Variants in ITPR2 observed in about 807,000 individuals in gnomAD.
ITPR2 encodes inositol 1,4,5-trisphosphate receptor type 2, also known as inositol 1,4,5-trisphosphate-gated calcium channel ITPR2.
In ITPR2, 207 loss-of-function variants were observed where a neutral mutation model predicts 317.1. The observed-to-expected ratio is 0.65, with a 90% CI of 0.58 to 0.73. The LOEUF (loss-of-function observed/expected upper bound fraction) is 0.73, where lower values mean the gene tolerates loss of function less well. ITPR2 is among the 30% of genes least tolerant of loss of function. ITPR2 has a pLI of 0.00. For missense variants in ITPR2, 2,613 were observed against 3,284.0 expected (o/e 0.80, Z 4.99); for synonymous variants, 1,156 against 1,149.1 (o/e 1.01, Z -0.12).
At chr12:26,693,277 TGAA>T (rs971685171) in intron 10 of ITPR2, among the ~76,000 whole-genome samples, 42 of 152,300 alleles carry the variant, frequency 2.8e-4, no homozygotes, top group African/African-American at 8.9e-4. Flanking sequence ...TAGAGGTCAA[TGAA>T]GAAGTTGTTT....
intron 1 of ITPR2, among the ~76,000 whole-genome samples, chr12:26,813,485 G>T (rs1950791768): frequency 1.3e-5 from 2 of 152,140 alleles, no homozygotes; most frequent in Non-Finnish European, 2.9e-5. Context: ...AAAGTTCTGT[G>T]ATTCTGAATA....
At chr12:26,598,493 G>A (rs7964736) in intron 30 of ITPR2, among the ~76,000 whole-genome samples, 2 of 152,250 alleles carry the variant, frequency 1.3e-5, no homozygotes, top group South Asian at 4.1e-4. Flanking sequence ...TAATCAACGG[G>A]CTCTTTAAGC....
In ITPR2 at chr12:26,428,075, T is replaced by A. The variant is rs34643692; in HGVS notation, c.6783A>T (p.Pro2261=). The change falls in exon 49 of 57, where the codon CCA becomes CCT. Residue 2261 remains proline, a synonymous_variant. Transcript: ENST00000381340. The part of the protein sequence containing the change: ...GDDGDEGTLS[P]LFSVLLWIAV... ...CTATCCAAAGAAGAACCGAGAACAATGGAGAAAGTGTACCTGTAAAATGTG... is the reference window on the plus strand; with the variant it reads ...CTATCCAAAGAAGAACCGAGAACAAAGGAGAAAGTGTACCTGTAAAATGTG... 785 of 1,598,076 alleles carry A rather than the reference T, an allele frequency of 4.9e-4. 2 individuals are homozygous for A. The African/African-American group carries it at 9.5e-3, about 19-fold the overall frequency.
intron 1 of ITPR2, among the ~76,000 whole-genome samples, chr12:26,794,472 T>C (rs2137223493): frequency 6.6e-6 from 1 of 152,222 alleles, no homozygotes; most frequent in East Asian, 1.9e-4. Flanking sequence ...AATCCATCCA[T>C]CCAACCTGGC....
At chr12:26,779,949 G>A (rs376542862) in intron 2 of ITPR2, among the ~76,000 whole-genome samples, 59 of 152,302 alleles carry the variant, frequency 3.9e-4, no homozygotes, top group African/African-American at 1.3e-3. Flanking sequence ...CTGTGAAGAC[G>A]TTTGTATCCC....
At chr12:26,754,418 C>T (rs550038654) in intron 2 of ITPR2, among the ~76,000 whole-genome samples, 10 of 152,290 alleles carry the variant, frequency 6.6e-5, no homozygotes, top group South Asian at 6.2e-4. Flanking sequence ...CTAGGCTCCA[C>T]GCATGGTACA....
At chr12:26,384,675 C>T (rs1939615312) in intron 55 of ITPR2, among the ~76,000 whole-genome samples, 2 of 152,146 alleles carry the variant, frequency 1.3e-5, no homozygotes, top group Admixed American at 1.3e-4. Context: ...AAAAGTCACC[C>T]GGTGATTTCT....
At chr12:26,441,376 G>T (rs1033787497) in intron 46 of ITPR2, among the ~76,000 whole-genome samples, 5 of 152,162 alleles carry the variant, frequency 3.3e-5, no homozygotes, top group Non-Finnish European at 5.9e-5. Context: ...TTGTGGTTAT[G>T]TTCAAGGCAC....
intron 48 of ITPR2, among the ~76,000 whole-genome samples, chr12:26,431,762 C>T (rs1443210796): frequency 1.3e-5 from 2 of 152,152 alleles, no homozygotes; most frequent in Non-Finnish European, 2.9e-5. Flanking sequence ...AAGTGTGAAC[C>T]AAATATTTGA....
Position 26,663,784 on chromosome 12 carries a change from A to G in ITPR2, c.1614T>C (p.Leu538=). 4 of 1,614,016 alleles carry G rather than the reference A, an allele frequency of 2.5e-6. No individual in the cohort carries two copies. The East Asian group carries it at 6.7e-5, about 27-fold the overall frequency. Residue 538 remains leucine (L), a synonymous_variant, in exon 15 of 57, where the codon CTT becomes CTC. Coordinates refer to ENST00000381340, the MANE Select transcript of ITPR2 (RefSeq NM_002223.4). The part of the protein sequence containing the change: ...EKAGEGSMLR[L]EDLGDQRYAP... Reference sequence around the variant, plus strand: ...CATATCTTTGATCCCCCAGATCTTCAAGTCTCAGCATCGAGCCTTCTCCTG... The same window carrying G: ...CATATCTTTGATCCCCCAGATCTTCGAGTCTCAGCATCGAGCCTTCTCCTG...
chr12:26,630,570 A>G (rs1315055320), intron 22 of ITPR2: 1 of 152,248 alleles, frequency 6.6e-6, no homozygotes, highest in Non-Finnish European at 1.5e-5. Flanking sequence ...CAAGAAAGAC[A>G]CATTCAGAAA....
intron 2 of ITPR2, among the ~76,000 whole-genome samples, chr12:26,743,775 C>T (rs1949274015): frequency 6.6e-6 from 1 of 152,164 alleles, no homozygotes; most frequent in African/African-American, 2.4e-5. Context: ...CCTGTAGTCC[C>T]AGCTACTCGG....
At chr12:26,399,242 T>C (rs1036979136) in intron 53 of ITPR2, among the ~76,000 whole-genome samples, 11 of 152,240 alleles carry the variant, frequency 7.2e-5, no homozygotes, top group African/African-American at 2.4e-4. Flanking sequence ...CTTACATTTC[T>C]CTAGGACTGA....
chr12:26,460,886 A>G (rs1255090578), intron 45 of ITPR2, among the ~76,000 whole-genome samples: 1 of 152,026 alleles, frequency 6.6e-6, no homozygotes, highest in African/African-American at 2.4e-5. Flanking sequence ...GGATGCCTAG[A>G]TCTGTCTCAT....
intron 1 of ITPR2, among the ~76,000 whole-genome samples, chr12:26,830,952 CAG>C (rs1230234277): frequency 2.6e-5 from 4 of 152,128 alleles, no homozygotes; most frequent in Non-Finnish European, 5.9e-5. Flanking sequence ...ACTGAGGAGA[CAG>C]GGGCACAGAG....
intron 9 of ITPR2, among the ~76,000 whole-genome samples, chr12:26,698,223 C>T (rs1189771195): frequency 6.6e-6 from 1 of 152,128 alleles, no homozygotes; most frequent in African/African-American, 2.4e-5. Context: ...AAGATTGACA[C>T]ATTCATTTGA....
In ITPR2 at chr12:26,703,552, T is replaced by C. The variant is rs547805752; in HGVS notation, c.951+7621A>G. Among the ~76,000 whole-genome samples the C allele has an allele frequency of 1.1e-4, 16 of 152,280 alleles. 1 individual carries two copies. In the South Asian group the frequency reaches 3.1e-3, roughly 30 times the overall value. ...TTAGCTACATCCCATTCCCTAACTG[T>C]GACAATAAATAGCAGCTCCCATTCC... On this transcript the variant is annotated intron_variant, in intron 9 of 56. Coordinates refer to ENST00000381340, the MANE Select transcript of ITPR2 (RefSeq NM_002223.4).
intron 42 of ITPR2, among the ~76,000 whole-genome samples, chr12:26,483,272 G>C (rs765289579): frequency 6.6e-6 from 1 of 152,092 alleles, no homozygotes; most frequent in Non-Finnish European, 1.5e-5. Context: ...CTTAATCTTT[G>C]GGTTAGAACC....
At chr12:26,731,305 G>C (rs1261475111) in intron 2 of ITPR2, among the ~76,000 whole-genome samples, 1 of 152,188 alleles carries the variant, frequency 6.6e-6, no homozygotes, top group Non-Finnish European at 1.5e-5. Context: ...CGTGGAGAAA[G>C]GTGGGGAGGG....
Sources: allele counts gnomAD v4.1 joint callset (sites outside exome capture counted in the v4.1 genomes callset), GRCh38; gene constraint gnomAD v4.1.1; transcripts MANE v1.5; gene names NCBI Gene and HGNC (gene_info 2026-07-23, HGNC 2026-07-21).